The following RNF145 variants were observed in gnomAD, a reference collection of about 807,000 sequenced individuals.
RNF145 encodes ring finger protein 145.
Under a neutral mutation model 57.3 loss-of-function variants are expected in RNF145, and 12 were observed. The ratio of observed to expected loss-of-function variants is 0.21; its 90% CI spans 0.13 to 0.34. RNF145 has a LOEUF of 0.34. Ranked by LOEUF, RNF145 falls within the 10% of genes least tolerant of loss-of-function variation. The pLI, the probability that RNF145 is intolerant of heterozygous loss-of-function variation, is 1.00. For synonymous variants in RNF145, 262 were observed against 288.3 expected (o/e 0.91, Z 0.92); for missense variants, 429 against 799.0 (o/e 0.54, Z 5.58).
chr5:159,191,849 T>G lies in RNF145; in HGVS notation c.293+2867A>C, dbSNP rs541958772. 1.6e-3 allele frequency among the ~76,000 whole-genome samples: 242 copies of G among 152,326 alleles called. 1 individual carries two copies. The highest frequency in any genetic ancestry group is 5.5e-3 in the African/African-American group (228 of 41,572). ...ATTAGAAAAAGTCATTTTCATAAAC[T>G]GAAACTAAAAAGCTCAAAAAGCCAC... On this transcript the variant is annotated intron_variant, in intron 3 of 10. Transcript: ENST00000424310.
At position 159,209,250 on chromosome 5, in the gene RNF145, C is replaced by G. The variant is rs1343137288; in HGVS notation, c.-59G>C. The G allele has an allele frequency of 1.0e-6, 1 of 985,126 alleles. No individual in the cohort carries two copies. The highest frequency in any genetic ancestry group is 1.7e-5 in the African/African-American group (1 of 57,196). 61.0% of individuals were successfully genotyped at this position (985,126 alleles called of 1,614,324 possible). A position where few individuals can be genotyped will look rare whatever the true frequency, so the allele number is the denominator to read the frequency against. ...GGTCACCTCAGGCTGCGGACTCCCT[C>G]CCTGGGGAGCGGCGCTGCCGGCGGG... is the stretch of plus-strand genomic sequence containing the variant. On this transcript the variant is annotated 5_prime_UTR_variant, in exon 1 of 11. Coordinates refer to ENST00000424310, the MANE Select transcript of RNF145 (RefSeq NM_001199383.2).
chr5:159,207,797 C>T (rs746881082), intron 1 of RNF145: 1 of 1,614,064 alleles, frequency 6.2e-7, no homozygotes, highest in African/African-American at 1.3e-5. Flanking sequence ...GGTTTCTCAT[C>T]ATCTCCCAAA....
chr5:159,192,309 C>T (rs1785315824), intron 3 of RNF145, among the ~76,000 whole-genome samples: 1 of 152,112 alleles, frequency 6.6e-6, no homozygotes, highest in South Asian at 2.1e-4. Flanking sequence ...GGGAGCATAG[C>T]ACTGTAGATA....
At chr5:159,168,741 G>T in intron 8 of RNF145, 132 bp downstream of exon 8, 1 of 488,406 alleles carries the variant, frequency 2.0e-6, no homozygotes, top group Non-Finnish European at 3.4e-6. Flanking sequence ...TAAACTTGTT[G>T]AATTAACCTA....
At chr5:159,181,936 C>G in intron 4 of RNF145, 24 bp downstream of exon 4, 1 of 1,389,578 alleles carries the variant, frequency 7.2e-7, no homozygotes, top group Non-Finnish European at 1.0e-6. Context: ...CCTACCTACA[C>G]TTTAATTCTT....
intron 8 of RNF145, among the ~76,000 whole-genome samples, chr5:159,164,243 A>G (rs186834650): frequency 2.6e-5 from 4 of 152,266 alleles, no homozygotes; most frequent in South Asian, 2.1e-4. Context: ...ACTAATAATA[A>G]TAATAATAAT....
At chr5:159,196,787 C>T (rs1188281137) in intron 2 of RNF145, among the ~76,000 whole-genome samples, 1 of 152,200 alleles carries the variant, frequency 6.6e-6, no homozygotes, top group Non-Finnish European at 1.5e-5. Flanking sequence ...CTAAGCATTT[C>T]CACTGATTGT....
chr5:159,189,679 A>T (rs560801502), intron 3 of RNF145, among the ~76,000 whole-genome samples: 18 of 152,386 alleles, frequency 1.2e-4, no homozygotes, highest in African/African-American at 1.9e-4. Context: ...GCTAAAACAT[A>T]GAAACAATCC....
chr5:159,209,437 G>A lies in RNF145; in HGVS notation c.-246C>T. On this transcript the variant is annotated 5_prime_UTR_variant, in exon 1 of 11. In the 5' UTR this introduces an upstream ATG that the reference lacks. Transcript: ENST00000424310. ...AGCGGCAGCGGCAGCGGCCCGGCCC[G>A]TACGGTCACCATCGTCCGCGGCAGC... is the stretch of plus-strand genomic sequence containing the variant. 12 of 984,866 alleles carry A rather than the reference G, an allele frequency of 1.2e-5. No individual in the cohort carries two copies. The highest frequency in any genetic ancestry group is 1.4e-5 in the Non-Finnish European group (12 of 828,998). The allele number at this position is 984,866 out of a possible 1,614,324, so 61.0% of individuals were successfully genotyped here.
In RNF145 at chr5:159,176,751, T is replaced by C; in HGVS notation, c.502A>G (p.Ile168Val). 1.2e-6 allele frequency: 2 copies of C among 1,612,272 alleles called. No homozygotes were observed. The highest frequency in any genetic ancestry group is 1.1e-5 in the South Asian group (1 of 91,016). ...ARLCLVPLET[I>V]VIINKFAMIF... ...ATAGCAAATTTATTGATGATAACAA[T>C]TGTCTCCAAAGGAACAAGGCAGAGT... The change falls in exon 5 of 11, where the codon ATT becomes GTT. Residue 168 changes from isoleucine (I) to valine (V), a missense_variant. Ile to Val is a conservative substitution (Grantham distance 29). This residue lies in a region of RNF145 where 109 missense variants were observed against 207.2 expected (regional missense o/e 0.53). Transcript: ENST00000424310.
chr5:159,158,341 A>T lies in RNF145; in HGVS notation c.*329T>A. 3.5e-6 allele frequency: 1 copy of T among 289,018 alleles called. No homozygotes were observed. Among genetic ancestry groups the T allele is most frequent in the Middle Eastern group, 1.2e-3 (1 of 852 alleles). 17.9% of individuals were successfully genotyped at this position (289,018 alleles called of 1,614,324 possible). ...TATCCTCACTTCCTCAGTCCCTTCAACACTCAAAATCTGATTTTATTTCTC... is the reference window on the plus strand; with the variant it reads ...TATCCTCACTTCCTCAGTCCCTTCATCACTCAAAATCTGATTTTATTTCTC... On this transcript the variant is annotated 3_prime_UTR_variant, in exon 11 of 11. Transcript: ENST00000424310.
chr5:159,178,257 T>C (rs376868095), intron 4 of RNF145, among the ~76,000 whole-genome samples: 191 of 152,142 alleles, frequency 1.3e-3, no homozygotes, highest in African/African-American at 4.3e-3. Context: ...AGATCGAAGT[T>C]TGTTTTTTGT....
At position 159,194,570 on chromosome 5, in the gene RNF145, T is replaced by C. The variant is rs374665205; in HGVS notation, c.293+146A>G. 7.1e-5 allele frequency: 45 copies of C among 632,190 alleles called. 1 individual carries two copies. The Middle Eastern group carries it at 1.3e-3, about 19-fold the overall frequency. The allele number at this position is 632,190 out of a possible 1,614,324, so 39.2% of individuals were successfully genotyped here. On this transcript the variant is annotated intron_variant, in intron 3 of 10. Transcript: ENST00000424310. ...CAGCATAAACCAGCTATTAATCCTG[T>C]GTAAGATTTGGAAAATGAGTATCAA...
intron 4 of RNF145, among the ~76,000 whole-genome samples, chr5:159,181,675 A>T (rs1784897209): frequency 6.6e-6 from 1 of 152,038 alleles, no homozygotes; most frequent in East Asian, 1.9e-4. Context: ...TCAAAGTAAT[A>T]ATTAGCTCTA....
chr5:159,187,046 C>G (rs995724774), intron 3 of RNF145, among the ~76,000 whole-genome samples: 18 of 151,384 alleles, frequency 1.2e-4, no homozygotes, highest in Admixed American at 2.0e-4. Context: ...TTTGGGAGGC[C>G]AAGGTGGGCG....
chr5:159,169,477 T>A (rs546388859), intron 7 of RNF145, among the ~76,000 whole-genome samples: 12 of 152,346 alleles, frequency 7.9e-5, no homozygotes, highest in Non-Finnish European at 1.5e-5. Context: ...CATCATAATG[T>A]ATTAATACAT....
intron 2 of RNF145, among the ~76,000 whole-genome samples, chr5:159,199,339 C>A (rs2163775): frequency 0.55 from 80,325 of 147,048 alleles, 22,406 homozygotes; most frequent in African/African-American, 0.71. Context: ...CTAAAGAAAA[C>A]AAATCAAAAG....
intron 10 of RNF145, 85 bp from the exon 11 acceptor site, chr5:159,159,120 C>A: frequency 3.2e-6 from 4 of 1,233,346 alleles, no homozygotes; most frequent in Non-Finnish European, 4.5e-6. Flanking sequence ...GTTCTAACAT[C>A]TCTTTCCCAC....
At chr5:159,190,991 G>C (rs1485522239) in intron 3 of RNF145, among the ~76,000 whole-genome samples, 3 of 151,586 alleles carry the variant, frequency 2.0e-5, no homozygotes, top group Non-Finnish European at 2.9e-5. Context: ...GTCTACAAAG[G>C]GGTATCCAAT....
Sources: allele counts gnomAD v4.1 joint callset (sites outside exome capture counted in the v4.1 genomes callset), GRCh38; gene constraint gnomAD v4.1.1; regional missense constraint gnomAD v4.1.1; transcripts MANE v1.5; gene names NCBI Gene and HGNC (gene_info 2026-07-23, HGNC 2026-07-21).